Variants in PIP5K1B observed in about 807,000 individuals in gnomAD.
PIP5K1B encodes the protein phosphatidylinositol 4-phosphate 5-kinase type-1 beta.
PIP5K1B carries 42 observed loss-of-function variants against 67.0 expected under a neutral mutation model. That is an observed-to-expected ratio of 0.63 (90% CI 0.49 to 0.81). The LOEUF (loss-of-function observed/expected upper bound fraction) is 0.81, where lower values mean the gene tolerates loss of function less well. Ranked by LOEUF, PIP5K1B falls within the 30% of genes least tolerant of loss-of-function variation. PIP5K1B has a pLI of 0.00. For missense variants in PIP5K1B, 459 were observed against 646.3 expected, an observed-to-expected ratio of 0.71 and a Z score of 3.14; for synonymous variants, 214 against 231.4, an observed-to-expected ratio of 0.92 and a Z score of 0.68.
intron 5 of PIP5K1B, among the ~76,000 whole-genome samples, chr9:68,865,109 T>G (rs1823292422): frequency 6.6e-6 from 1 of 152,226 alleles, no homozygotes; most frequent in African/African-American, 2.4e-5. Context: ...TGCTCTTAGC[T>G]GCAGAATAAA....
intron 7 of PIP5K1B, among the ~76,000 whole-genome samples, chr9:68,893,928 A>C (rs1824948837): frequency 6.6e-6 from 1 of 152,216 alleles, no homozygotes; most frequent in Non-Finnish European, 1.5e-5. Context: ...AGTCTTACAT[A>C]GTGTGGTTGT....
chr9:68,824,283 C>T (rs563603076), intron 4 of PIP5K1B: 4 of 518,014 alleles, frequency 7.7e-6, no homozygotes, highest in East Asian at 5.5e-5. Context: ...ACAGGAGATC[C>T]TTTGTCGCTG....
chr9:68,990,275 C>T (rs1437909992), intron 14 of PIP5K1B, among the ~76,000 whole-genome samples: 1 of 152,048 alleles, frequency 6.6e-6, no homozygotes, highest in African/African-American at 2.4e-5. Flanking sequence ...TCCATGGGCT[C>T]TATGCCAGAC....
chr9:68,706,465 C>T (rs911853984), intron 1 of PIP5K1B, among the ~76,000 whole-genome samples: 2 of 152,134 alleles, frequency 1.3e-5, no homozygotes, highest in African/African-American at 2.4e-5. Context: ...TTTCTTATCC[C>T]CCCCAACCCC....
chr9:68,789,213 C>T (rs1214804300), intron 2 of PIP5K1B: 1 of 513,192 alleles, frequency 1.9e-6, no homozygotes, highest in Non-Finnish European at 3.8e-6. Context: ...CACATTGGTG[C>T]TTCCTGTGAT....
rs545078901 is a variant in PIP5K1B at position 68,991,981 on chromosome 9, G to C, written c.1620+724G>C. Among the ~76,000 whole-genome samples, 470 of 152,102 alleles carry C rather than the reference G, an allele frequency of 3.1e-3. 4 individuals carry two copies. Among genetic ancestry groups the C allele is most frequent in the African/African-American group, 0.011 (449 of 41,520 alleles). On this transcript the variant is annotated intron_variant, in intron 15 of 15. Transcript: ENST00000265382. ...TGCACAAAAAAAAATTTTTTTTGGG[G>C]GGGGGCAGAGTTTTGCTCTTGTTGC...
intron 8 of PIP5K1B, among the ~76,000 whole-genome samples, chr9:68,909,498 T>A (rs1825759331): frequency 6.6e-6 from 1 of 152,226 alleles, no homozygotes; most frequent in African/African-American, 2.4e-5. Context: ...AATTTCTAAT[T>A]GTTTCAGAAA....
chr9:68,864,056 T>C lies in PIP5K1B; in HGVS notation c.200+89T>C, dbSNP rs1486799606. 6.4e-6 allele frequency: 8 copies of C among 1,244,294 alleles called. No individual in the cohort carries two copies. The African/African-American group carries it at 1.2e-4, about 19-fold the overall frequency. The allele number at this position is 1,244,294 out of a possible 1,614,324, so 77.1% of individuals were successfully genotyped here. The stretch of plus-strand genomic sequence containing the variant: ...TTGAAGGGCTTTTCTACTATGTACA[T>C]GTTTATATGTACAGATGTGAATATT... On this transcript the variant is annotated intron_variant, in intron 5 of 15. Coordinates refer to ENST00000265382, the MANE Select transcript of PIP5K1B (RefSeq NM_003558.4).
In PIP5K1B at chr9:68,934,897, G is replaced by C; in HGVS notation, c.1209G>C (p.Lys403Asn). The change falls in exon 13 of 16, where the codon AAG (lysine) becomes AAC (asparagine). Residue 403 changes from lysine to asparagine, a missense_variant. Lys to Asn is a moderately conservative substitution (Grantham distance 94). Coordinates refer to ENST00000265382, the MANE Select transcript of PIP5K1B (RefSeq NM_003558.4). ...CTTTTCCTTTCTGTCTAGCTTTGAA[G>C]GCTTCACCGTCTAAGAAACGGTGCA... ...SRVFKKIQAL[K>N]ASPSKKRCNS... 6.2e-7 allele frequency: 1 copy of C among 1,607,804 alleles called. No homozygotes were observed. The highest frequency in any genetic ancestry group is 8.5e-7 in the Non-Finnish European group (1 of 1,176,842).
chr9:68,925,406 C>T (rs937706048), intron 12 of PIP5K1B, among the ~76,000 whole-genome samples: 1 of 152,082 alleles, frequency 6.6e-6, no homozygotes, highest in African/African-American at 2.4e-5. Flanking sequence ...TTAAATTATG[C>T]CACTCTGATA....
chr9:68,885,622 G>C (rs1254887672), intron 6 of PIP5K1B, among the ~76,000 whole-genome samples: 1 of 150,624 alleles, frequency 6.6e-6, no homozygotes, highest in African/African-American at 2.4e-5. Context: ...TTCTAAGTGG[G>C]AGCTAAGCTA....
At chr9:68,929,305 C>G (rs184718036) in intron 12 of PIP5K1B, among the ~76,000 whole-genome samples, 4 of 152,100 alleles carry the variant, frequency 2.6e-5, no homozygotes, top group Admixed American at 2.6e-4. Context: ...GTCCGATCTT[C>G]TCCTTAAGGT....
At chr9:68,748,217 G>A (rs1829422493) in intron 2 of PIP5K1B, among the ~76,000 whole-genome samples, 1 of 152,202 alleles carries the variant, frequency 6.6e-6, no homozygotes, top group African/African-American at 2.4e-5. Context: ...TTGAGTCAGT[G>A]CTTCATTCCT....
At chr9:68,792,270 A>G (rs1832016750) in intron 2 of PIP5K1B, among the ~76,000 whole-genome samples, 2 of 152,206 alleles carry the variant, frequency 1.3e-5, no homozygotes, top group Non-Finnish European at 2.9e-5. Flanking sequence ...TAGTTACGCA[A>G]ATTTATGTTG....
chr9:68,788,755 T>G (rs1831781231), intron 2 of PIP5K1B: 1 of 271,888 alleles, frequency 3.7e-6, no homozygotes, highest in Admixed American at 4.7e-5. Flanking sequence ...ACTCCCTCTG[T>G]GGTCTTCCCC....
At chr9:68,771,750 A>G (rs1158253841) in intron 2 of PIP5K1B, among the ~76,000 whole-genome samples, 1 of 152,204 alleles carries the variant, frequency 6.6e-6, no homozygotes, top group Non-Finnish European at 1.5e-5. Context: ...TTACTATCTT[A>G]GACTTATAGT....
intron 2 of PIP5K1B, among the ~76,000 whole-genome samples, chr9:68,757,795 A>G (rs1302442408): frequency 6.6e-6 from 1 of 152,194 alleles, no homozygotes; most frequent in Non-Finnish European, 1.5e-5. Context: ...AATCTAAATA[A>G]AGTCAGAAGA....
At chr9:68,964,389 T>A (rs917678184) in intron 14 of PIP5K1B, among the ~76,000 whole-genome samples, 18 of 152,210 alleles carry the variant, frequency 1.2e-4, no homozygotes, top group African/African-American at 3.6e-4. Context: ...AAACATCCGA[T>A]CTTAGCTATC....
chr9:68,737,076 T>G (rs1828775149), intron 1 of PIP5K1B, among the ~76,000 whole-genome samples: 4 of 152,232 alleles, frequency 2.6e-5, no homozygotes, highest in Admixed American at 1.3e-4. Flanking sequence ...AAGTTTAGGT[T>G]TCCTGGAACA....
Sources: allele counts gnomAD v4.1 joint callset (sites outside exome capture counted in the v4.1 genomes callset), GRCh38; gene constraint gnomAD v4.1.1; transcripts MANE v1.5; gene names NCBI Gene and HGNC (gene_info 2026-07-23, HGNC 2026-07-21).